CCNY: variants seen among roughly 807,000 people sequenced by gnomAD.
CCNY encodes the protein cyclin Y.
CCNY carries 19 observed loss-of-function variants against 42.8 expected under a neutral mutation model. That is an observed-to-expected ratio of 0.44 (90% CI 0.31 to 0.65). The LOEUF is 0.65. CCNY is among the 30% of genes least tolerant of loss of function. CCNY has a pLI of 0.07. For missense variants in CCNY, 370 were observed against 437.3 expected (o/e 0.85, Z 1.37); for synonymous variants, 165 against 162.7 (o/e 1.01, Z -0.11).
chr10:35,501,961 T>G (rs534790294), intron 3 of CCNY, among the ~76,000 whole-genome samples: 20 of 152,254 alleles, frequency 1.3e-4, no homozygotes, highest in Non-Finnish European at 2.6e-4. Flanking sequence ...TCTTCCCATT[T>G]GTTGTTTGTG....
chr10:35,495,887 TTGAGTGAGTGAG>T (rs577398890), intron 2 of CCNY, among the ~76,000 whole-genome samples: 2 of 152,106 alleles, frequency 1.3e-5, no homozygotes, highest in East Asian at 1.9e-4. Context: ...TTGTTTTGAA[TTGAGTGAGTGAG>T]TGAGTGAGTG....
At chr10:35,548,500 G>A (rs981960810) in intron 7 of CCNY, among the ~76,000 whole-genome samples, 1 of 151,968 alleles carries the variant, frequency 6.6e-6, no homozygotes, top group Non-Finnish European at 1.5e-5. Flanking sequence ...GTTTCACCAT[G>A]TTGGCCAGGA....
chr10:35,304,471 G>A (rs1480735143), intron 3 of CCNY, among the ~76,000 whole-genome samples: 1 of 107,266 alleles, frequency 9.3e-6, no homozygotes, highest in Non-Finnish European at 1.8e-5. Context: ...CACTACGCCC[G>A]GCTAATTTTT....
chr10:35,547,415 T>TA (rs1389469418), intron 7 of CCNY, among the ~76,000 whole-genome samples: 1 of 152,138 alleles, frequency 6.6e-6, no homozygotes, highest in Non-Finnish European at 1.5e-5. Flanking sequence ...CCAGTGCAGT[T>TA]ACAATGCCGT....
chr10:35,426,852 G>A (rs1838284507), intron 1 of CCNY, among the ~76,000 whole-genome samples: 1 of 152,212 alleles, frequency 6.6e-6, no homozygotes. Context: ...TTGTTCTGAG[G>A]AAGGAGTGAA....
intron 1 of CCNY, among the ~76,000 whole-genome samples, chr10:35,446,793 C>G (rs1838798757): frequency 6.6e-6 from 1 of 152,054 alleles, no homozygotes; most frequent in Non-Finnish European, 1.5e-5. Flanking sequence ...GGGTACCATC[C>G]CAGGGCTGTT....
At position 35,569,186 on chromosome 10, in the gene CCNY, G is replaced by A. The variant is rs774785419; in HGVS notation, c.*16G>A. The A allele has an allele frequency of 5.0e-6, 7 of 1,402,380 alleles. No homozygotes were observed. Among genetic ancestry groups the A allele is most frequent in the Admixed American group, 3.3e-5 (2 of 59,800 alleles). 86.9% of individuals were successfully genotyped at this position (1,402,380 alleles called of 1,614,324 possible). ...CATCTCTTAACTACGGAGGCCCGCC[G>A]GAGGCCACACCATCCCTTAGTTTCT... On this transcript the variant is annotated 3_prime_UTR_variant, in exon 10 of 10. Transcript: ENST00000374704.
intron 1 of CCNY, among the ~76,000 whole-genome samples, chr10:35,448,090 A>C (rs553126221): frequency 6.6e-6 from 1 of 152,300 alleles, no homozygotes; most frequent in East Asian, 1.9e-4. Context: ...CACTGTGGGA[A>C]CCAGCGGCTC....
intron 1 of CCNY, among the ~76,000 whole-genome samples, chr10:35,443,547 T>C (rs114456654): frequency 3.3e-5 from 5 of 152,350 alleles, no homozygotes; most frequent in African/African-American, 1.2e-4. Context: ...TGTCCCACTC[T>C]GTAGAAAATG....
chr10:35,292,435 C>T (rs1250292451), intron 3 of CCNY, among the ~76,000 whole-genome samples: 1 of 152,166 alleles, frequency 6.6e-6, no homozygotes, highest in Non-Finnish European at 1.5e-5. Context: ...ACGATCTCGG[C>T]TCACTGCAAC....
intron 1 of CCNY, among the ~76,000 whole-genome samples, chr10:35,356,103 A>C (rs894119902): frequency 1.5e-4 from 23 of 152,208 alleles, no homozygotes; most frequent in African/African-American, 5.5e-4. Context: ...AAAATGATGC[A>C]CACTCTGGCT....
chr10:35,478,116 C>G (rs1839562168), intron 1 of CCNY, among the ~76,000 whole-genome samples: 2 of 150,342 alleles, frequency 1.3e-5, no homozygotes, highest in Admixed American at 6.6e-5. Context: ...GAACTACAAA[C>G]TGCTGCTCAA....
At chr10:35,304,321 T>G (rs1419905779) in intron 3 of CCNY, among the ~76,000 whole-genome samples, 1 of 51,848 alleles carries the variant, frequency 1.9e-5, no homozygotes, top group African/African-American at 1.3e-4. Context: ...ATTTTTTATT[T>G]TTTTTTGAGA....
At chr10:35,515,818 C>A (rs537747089) in intron 3 of CCNY, among the ~76,000 whole-genome samples, 2 of 152,274 alleles carry the variant, frequency 1.3e-5, no homozygotes, top group Admixed American at 6.5e-5. Flanking sequence ...TTCACCAGTA[C>A]CTTCTAGAAG....
At chr10:35,417,342 G>A (rs919280482) in intron 1 of CCNY, among the ~76,000 whole-genome samples, 3 of 152,178 alleles carry the variant, frequency 2.0e-5, no homozygotes, top group African/African-American at 7.2e-5. Flanking sequence ...CAGAGCAGGG[G>A]CTCTGGCATC....
intron 3 of CCNY, among the ~76,000 whole-genome samples, chr10:35,259,630 G>C (rs1001403251): frequency 5.5e-5 from 8 of 145,086 alleles, no homozygotes; most frequent in East Asian, 2.1e-4. Context: ...AGCCTTCCAA[G>C]TAGCTGGGAT....
chr10:35,405,679 T>TA (rs1837742972), intron 1 of CCNY, among the ~76,000 whole-genome samples: 1 of 152,050 alleles, frequency 6.6e-6, no homozygotes, highest in Admixed American at 6.6e-5. Context: ...CCATAATGAT[T>TA]AAGAAGGGGA....
chr10:35,448,209 A>G (rs1838834337), intron 1 of CCNY, among the ~76,000 whole-genome samples: 1 of 152,200 alleles, frequency 6.6e-6, no homozygotes, highest in African/African-American at 2.4e-5. Context: ...TCATTCAACA[A>G]GTAATGGCCA....
intron 4 of CCNY, 89 bp from the exon 5 acceptor site, chr10:35,525,875 T>C: frequency 8.8e-7 from 1 of 1,139,352 alleles, no homozygotes; most frequent in Non-Finnish European, 1.3e-6. Context: ...TACTTCTGTT[T>C]AAATATTTAT....
Sources: gnomAD v4.1 joint callset for allele counts (sites outside exome capture counted in the v4.1 genomes callset) on GRCh38, gnomAD v4.1.1 for gene constraint, MANE v1.5 for transcripts, NCBI Gene and HGNC (gene_info 2026-07-23, HGNC 2026-07-21) for gene names.